CACNA1I: variants seen among roughly 807,000 people sequenced by gnomAD.
The protein encoded by CACNA1I is voltage-dependent T-type calcium channel subunit alpha-1I.
In CACNA1I, 74 loss-of-function variants were observed where a neutral mutation model predicts 201.6. The observed-to-expected ratio is 0.37, with a 90% CI of 0.30 to 0.45. The LOEUF is 0.45. Among genes scored for constraint, CACNA1I ranks in the 20% least tolerant of loss-of-function variants. The pLI, the probability that CACNA1I is intolerant of heterozygous loss-of-function variation, is 1.00. For synonymous variants in CACNA1I, 1,431 were observed against 1,345.2 expected (o/e 1.06, Z -1.40); for missense variants, 2,346 against 3,138.1 (o/e 0.75, Z 6.03).
At chr22:39,601,683 T>C (rs1428242843) in intron 3 of CACNA1I, among the ~76,000 whole-genome samples, 1 of 151,962 alleles carries the variant, frequency 6.6e-6, no homozygotes, top group Admixed American at 6.5e-5. Context: ...GACGCATGGC[T>C]GAGACGGACA....
Position 39,681,016 on chromosome 22 carries a change from C to A in CACNA1I, c.5628C>A (p.Asp1876Glu). The A allele has an allele frequency of 6.2e-7, 1 of 1,611,134 alleles. No homozygotes were observed. The highest frequency in any genetic ancestry group is 1.1e-5 in the South Asian group (1 of 90,682). The change falls in exon 34 of 37, where the codon GAC (aspartate) becomes GAA (glutamate). Residue 1876 changes from aspartate to glutamate, a missense_variant. Transcript: ENST00000402142. ...ILLGDDLSLEDPTACPPGRKD... is the reference protein window; with the variant it reads ...ILLGDDLSLEEPTACPPGRKD... Reference sequence around the variant, plus strand: ...TGGGTGACGACCTGAGTCTCGAGGACCCCACAGCCTGCCCACCTGGCCGCA... The same window carrying A: ...TGGGTGACGACCTGAGTCTCGAGGAACCCACAGCCTGCCCACCTGGCCGCA...
chr22:39,680,797 C>T (rs1935679861), intron 33 of CACNA1I, 133 bp from the exon 34 acceptor site: 3 of 941,412 alleles, frequency 3.2e-6, no homozygotes, highest in African/African-American at 3.3e-5. Context: ...CATCCGTGTC[C>T]AGCAGGTGTC....
chr22:39,682,631 C>A lies in CACNA1I; in HGVS notation c.5800C>A (p.Arg1934=). The A allele has an allele frequency of 6.2e-7, 1 of 1,613,374 alleles. No individual in the cohort carries two copies. Among genetic ancestry groups the A allele is most frequent in the South Asian group, 1.1e-5 (1 of 91,046 alleles). Residue 1934 remains arginine, a synonymous_variant, in exon 35 of 37, where the codon CGG becomes AGG. Transcript: ENST00000402142. ...EMEEIPFNPV[R]SWLKHDSSQA... ...GGAGGAGATCCCATTCAACCCTGTCCGGTCCTGGCTGAAACATGACAGCAG... is the reference window on the plus strand; with the variant it reads ...GGAGGAGATCCCATTCAACCCTGTCAGGTCCTGGCTGAAACATGACAGCAG...
chr22:39,671,509 A>G (rs564271736), intron 26 of CACNA1I, among the ~76,000 whole-genome samples: 2 of 152,258 alleles, frequency 1.3e-5, no homozygotes, highest in South Asian at 4.1e-4. Context: ...TTTCAGGCAA[A>G]CACTGGGGGT....
chr22:39,643,868 C>T (rs1298893381), intron 7 of CACNA1I, among the ~76,000 whole-genome samples: 2 of 152,264 alleles, frequency 1.3e-5, no homozygotes, highest in East Asian at 3.8e-4. Context: ...ACCCACACTG[C>T]ACCAGGCCCT....
intron 1 of CACNA1I, among the ~76,000 whole-genome samples, chr22:39,577,338 T>C (rs982273252): frequency 2.6e-5 from 4 of 152,206 alleles, no homozygotes; most frequent in Admixed American, 6.5e-5. Flanking sequence ...GTCCAGCCAA[T>C]GTCTGTGCTT....
At chr22:39,618,538 G>A (rs931923959) in intron 3 of CACNA1I, among the ~76,000 whole-genome samples, 5 of 152,098 alleles carry the variant, frequency 3.3e-5, no homozygotes, top group Admixed American at 3.3e-4. Flanking sequence ...AACGAATGGA[G>A]CTTTCACTCA....
At position 39,687,412 on chromosome 22, in the gene CACNA1I, G is replaced by C. The variant is rs1243239022; in HGVS notation, c.*1007G>C. 6.6e-6 allele frequency: 1 copy of C among 152,252 alleles called. No homozygotes were observed. 9.4% of individuals were successfully genotyped at this position (152,252 alleles called of 1,614,324 possible). ...CTGGGCTCAGGTAGTTAGTTGTTCA[G>C]CCACTAATGCCTTTTATCCCCCATA... is the stretch of plus-strand genomic sequence containing the variant. On this transcript the variant is annotated 3_prime_UTR_variant, in exon 37 of 37. Transcript: ENST00000402142.
rs1488503533 is a variant in CACNA1I, at chr22:39,664,756, G to A, written c.3684G>A (p.Leu1228=). 6.2e-7 allele frequency: 1 copy of A among 1,603,130 alleles called. No individual in the cohort carries two copies. The highest frequency in any genetic ancestry group is 8.5e-7 in the Non-Finnish European group (1 of 1,177,020). ...EMTLKVVSLG[L]YFGEQAYLRS... ...CGCCCCAGGTAGTCTCGCTGGGCCT[G>A]TACTTCGGCGAGCAGGCGTACCTAC... The change falls in exon 21 of 37, where the codon CTG becomes CTA. Residue 1228 remains leucine, a synonymous_variant. Coordinates refer to ENST00000402142, the MANE Select transcript of CACNA1I (RefSeq NM_021096.4).
In CACNA1I at chr22:39,646,653, A is replaced by G. The variant is rs767867914; in HGVS notation, c.1234A>G (p.Met412Val). 3 of 1,577,190 alleles carry G rather than the reference A, an allele frequency of 1.9e-6. No individual in the cohort carries two copies. The highest frequency in any genetic ancestry group is 2.6e-6 in the Non-Finnish European group (3 of 1,161,932). ...SETKQREHRLMLEQRQRYLSS... is the reference protein window; with the variant it reads ...SETKQREHRLVLEQRQRYLSS... ...GACCAAGCAACGGGAGCACCGGCTG[A>G]TGCTGGAGCAGCGGCAGCGCTACCT... The change falls in exon 8 of 37, where the codon ATG becomes GTG. Residue 412 changes from methionine (M) to valine (V), a missense_variant. Met to Val is a conservative substitution (Grantham distance 21, BLOSUM62 1). Around this residue, in one of 13 missense-constraint regions of CACNA1I, gnomAD observed 227 missense variants for 412.5 expected, o/e 0.55. Transcript: ENST00000402142.
rs200241888 is a variant in CACNA1I at position 39,642,788 on chromosome 22, G to A, written c.1057-9G>A. ...GTCCTCTCGGCTCTCTCTCCTCTGC[G>A]CGCTGCAGGTGATCACTCTGGAAGG... On this transcript the variant is annotated splice_polypyrimidine_tract_variant and intron_variant, in intron 6 of 36. Coordinates refer to ENST00000402142, the MANE Select transcript of CACNA1I (RefSeq NM_021096.4). 1.6e-5 allele frequency: 25 copies of A among 1,600,894 alleles called. No individual in the cohort carries two copies. Among genetic ancestry groups the A allele is most frequent in the African/African-American group, 4.0e-5 (3 of 74,806 alleles).
chr22:39,634,091 A>G lies in CACNA1I; in HGVS notation c.581-474A>G, dbSNP rs895046562. ...CCTCTGGGACAAGGGGGTTGTGAAA[A>G]GACAGCTAGACTTTGTGTCAAGACA... is the stretch of plus-strand genomic sequence containing the variant. On this transcript the variant is annotated intron_variant, in intron 4 of 36. Coordinates refer to ENST00000402142, the MANE Select transcript of CACNA1I (RefSeq NM_021096.4). Among the ~76,000 whole-genome samples the G allele has an allele frequency of 5.9e-5, 9 of 152,330 alleles. No homozygotes were observed. In the South Asian group the frequency reaches 1.9e-3, roughly 32 times the overall value.
At chr22:39,638,053 C>G (rs1934262553) in intron 5 of CACNA1I, among the ~76,000 whole-genome samples, 2 of 152,148 alleles carry the variant, frequency 1.3e-5, no homozygotes, top group Admixed American at 6.5e-5. Flanking sequence ...CCTGCCTCAG[C>G]CTCCTGAGTA....
intron 3 of CACNA1I, among the ~76,000 whole-genome samples, chr22:39,609,268 C>A (rs944528998): frequency 4.6e-5 from 7 of 152,184 alleles, no homozygotes; most frequent in African/African-American, 1.7e-4. Context: ...GGAGTTGAAC[C>A]CAGGGAGCTT....
At chr22:39,683,318 G>A (rs780650835) in intron 35 of CACNA1I, among the ~76,000 whole-genome samples, 2 of 152,156 alleles carry the variant, frequency 1.3e-5, no homozygotes, top group Non-Finnish European at 2.9e-5. Flanking sequence ...CCCAGCAGAA[G>A]AGGGATGCCC....
At chr22:39,619,652 T>C (rs5995761) in intron 4 of CACNA1I, among the ~76,000 whole-genome samples, 90,321 of 151,930 alleles carry the variant, frequency 0.59, 27,834 homozygotes, top group East Asian at 0.99. Context: ...CCCAGGAGAG[T>C]CTGGAGAGCA....
In CACNA1I at chr22:39,648,049, G is replaced by C. The variant is rs2146428617; in HGVS notation, c.1567+123G>C. ...CTTGAGCAGCCGCGACCCTCTGCAG[G>C]CCTGTCTCCCTCTATAAAGTGAGGA... On this transcript the variant is annotated intron_variant, in intron 9 of 36. Transcript: ENST00000402142. This position sits in a 1 kb window ranked among gnomAD's most constrained non-coding sequence, Gnocchi z 5.4. 1.2e-6 allele frequency: 1 copy of C among 820,210 alleles called. No homozygotes were observed. The highest frequency in any genetic ancestry group is 2.7e-5 in the East Asian group (1 of 37,584). The allele number at this position is 820,210 out of a possible 1,614,324, so 50.8% of individuals were successfully genotyped here.
At chr22:39,598,097 C>G (rs1569054560) in intron 1 of CACNA1I, 54 bp from the exon 2 acceptor site, 2 of 1,092,486 alleles carry the variant, frequency 1.8e-6, no homozygotes, top group Non-Finnish European at 2.7e-6. Context: ...TAGGGTGCAC[C>G]CCAGCCCCCA....
intron 3 of CACNA1I, among the ~76,000 whole-genome samples, chr22:39,603,961 C>T (rs562652442): frequency 6.6e-6 from 1 of 152,256 alleles, no homozygotes; most frequent in South Asian, 2.1e-4. Context: ...GCATCCAGAC[C>T]TTTAGTGAAC....
Sources: allele counts gnomAD v4.1 joint callset (sites outside exome capture counted in the v4.1 genomes callset), GRCh38; gene constraint gnomAD v4.1.1; regional missense constraint gnomAD v4.1.1; non-coding constraint Gnocchi (gnomAD v3.1); transcripts MANE v1.5; gene names NCBI Gene and HGNC (gene_info 2026-07-23, HGNC 2026-07-21).